Variants in C1QTNF3 observed in about 807,000 individuals in gnomAD.
The protein encoded by C1QTNF3 is complement C1q tumor necrosis factor-related protein 3.
In C1QTNF3, 26 loss-of-function variants were observed where a neutral mutation model predicts 32.6. The ratio of observed to expected loss-of-function variants is 0.80; its 90% CI spans 0.58 to 1.11. C1QTNF3 has a LOEUF of 1.11. Ranked by LOEUF, C1QTNF3 falls within the 50% of genes least tolerant of loss-of-function variation. C1QTNF3 has a pLI of 0.00. For missense variants in C1QTNF3, 362 were observed against 398.2 expected (o/e 0.91, Z 0.77); for synonymous variants, 155 against 146.0 (o/e 1.06, Z -0.44).
the C1QTNF3 span, chr5:34,200,719 T>C: frequency 6.6e-6 from 1 of 152,160 alleles, no homozygotes; most frequent in Non-Finnish European, 1.5e-5. Context: ...ATTTCATTTG[T>C]CTCTCGTCAA....
the C1QTNF3 span, among the ~76,000 whole-genome samples, chr5:34,123,105 G>A: frequency 6.6e-6 from 1 of 152,168 alleles, no homozygotes; most frequent in African/African-American, 2.4e-5. Flanking sequence ...AGGATGCCCT[G>A]AGAGAGCTAG....
the C1QTNF3 span, among the ~76,000 whole-genome samples, chr5:34,085,132 AG>A: frequency 6.8e-6 from 1 of 147,210 alleles, no homozygotes; most frequent in Non-Finnish European, 1.5e-5. Context: ...CTGGGACTAC[AG>A]GCGCCTGCCA....
intron 4 of C1QTNF3, among the ~76,000 whole-genome samples, chr5:34,025,773 G>A (rs1372689237): frequency 6.6e-6 from 1 of 152,158 alleles, no homozygotes; most frequent in Non-Finnish European, 1.5e-5. Context: ...TTAATTCCAT[G>A]GAAATGTGGA....
the C1QTNF3 span, among the ~76,000 whole-genome samples, chr5:34,133,009 C>T: frequency 1.1e-4 from 17 of 152,090 alleles, no homozygotes; most frequent in Admixed American, 6.5e-4. Flanking sequence ...AAAAAAAATA[C>T]GAAGACATAT....
At chr5:34,235,301 A>G in the C1QTNF3 span, among the ~76,000 whole-genome samples, 1 of 152,148 alleles carries the variant, frequency 6.6e-6, no homozygotes. Context: ...GTTTCCAACA[A>G]GGAATGATTT....
At chr5:34,226,813 A>G in the C1QTNF3 span, among the ~76,000 whole-genome samples, 4 of 150,886 alleles carry the variant, frequency 2.7e-5, no homozygotes, top group African/African-American at 9.7e-5. Flanking sequence ...ACAGAAAAGA[A>G]AGTGTTATTA....
chr5:34,039,368 C>G (rs1754815019), intron 1 of C1QTNF3, among the ~76,000 whole-genome samples: 1 of 152,182 alleles, frequency 6.6e-6, no homozygotes, highest in Admixed American at 6.5e-5. Context: ...TGTTCCTGCT[C>G]TAAAACTTTT....
At chr5:34,215,417 G>C in the C1QTNF3 span, among the ~76,000 whole-genome samples, 1 of 152,116 alleles carries the variant, frequency 6.6e-6, no homozygotes, top group Admixed American at 6.5e-5. Context: ...TTATACTCCT[G>C]CTTTCCACCT....
the C1QTNF3 span, among the ~76,000 whole-genome samples, chr5:34,197,669 T>C: frequency 1.3e-5 from 2 of 152,134 alleles, no homozygotes; most frequent in African/African-American, 4.8e-5. Flanking sequence ...TGCTGTCATG[T>C]TGTTGACCCA....
chr5:34,076,192 A>G, the C1QTNF3 span, among the ~76,000 whole-genome samples: 1 of 151,522 alleles, frequency 6.6e-6, no homozygotes, highest in African/African-American at 2.4e-5. Context: ...CTAGAGATTA[A>G]TGACGGTGAT....
At chr5:34,166,995 T>C in the C1QTNF3 span, 2 of 152,222 alleles carry the variant, frequency 1.3e-5, no homozygotes, top group African/African-American at 4.8e-5. Context: ...CAAAAGTGGT[T>C]CACATAATTG....
At chr5:34,087,512 A>AG in the C1QTNF3 span, among the ~76,000 whole-genome samples, 2 of 151,870 alleles carry the variant, frequency 1.3e-5, no homozygotes, top group East Asian at 3.9e-4. Context: ...TAATTGTATA[A>AG]GATATCTGAG....
chr5:34,048,292 G>A, the C1QTNF3 span, among the ~76,000 whole-genome samples: 2 of 144,144 alleles, frequency 1.4e-5, no homozygotes, highest in African/African-American at 2.5e-5. Flanking sequence ...GTGTGCATGA[G>A]AGAGAGAGAG....
chr5:34,068,316 C>T, the C1QTNF3 span, among the ~76,000 whole-genome samples: 1 of 151,990 alleles, frequency 6.6e-6, no homozygotes, highest in Non-Finnish European at 1.5e-5. Flanking sequence ...TAATATCTTG[C>T]CTTTTTAGGT....
chr5:34,041,221 T>C (rs1357583991), intron 1 of C1QTNF3, among the ~76,000 whole-genome samples: 1 of 152,200 alleles, frequency 6.6e-6, no homozygotes, highest in African/African-American at 2.4e-5. Flanking sequence ...TAGCCGTTGG[T>C]AGAGGAGTTG....
chr5:34,082,876 ATATG>A, the C1QTNF3 span, among the ~76,000 whole-genome samples: 3 of 151,816 alleles, frequency 2.0e-5, no homozygotes, highest in African/African-American at 7.3e-5. Flanking sequence ...ATATGAATAC[ATATG>A]TACATATGTT....
At chr5:34,126,025 C>G in the C1QTNF3 span, among the ~76,000 whole-genome samples, 1 of 152,264 alleles carries the variant, frequency 6.6e-6, no homozygotes, top group Non-Finnish European at 1.5e-5. Flanking sequence ...GGATCAAGAA[C>G]ATCTTGATAA....
chr5:34,104,857 AT>A, the C1QTNF3 span, among the ~76,000 whole-genome samples: 1 of 151,914 alleles, frequency 6.6e-6, no homozygotes, highest in Non-Finnish European at 1.5e-5. Context: ...TAATGTAAAT[AT>A]AATAGATAAC....
the C1QTNF3 span, among the ~76,000 whole-genome samples, chr5:34,217,139 C>T: frequency 1.3e-5 from 2 of 152,118 alleles, no homozygotes; most frequent in African/African-American, 4.8e-5. Flanking sequence ...TAAGTGTTTT[C>T]ATGCATAGTC....
Sources: gnomAD v4.1 joint callset for allele counts (sites outside exome capture counted in the v4.1 genomes callset) on GRCh38, gnomAD v4.1.1 for gene constraint, MANE v1.5 for transcripts, NCBI Gene and HGNC (gene_info 2026-07-23, HGNC 2026-07-21) for gene names.